Variants in NOMO2 observed in about 807,000 individuals in gnomAD.
NOMO2 encodes NODAL modulator 2.
NOMO2 carries 14 observed loss-of-function variants against 67.1 expected under a neutral mutation model. The observed-to-expected ratio is 0.21, with a 90% CI of 0.14 to 0.33. The LOEUF is 0.33. Among genes scored for constraint, NOMO2 ranks in the 10% least tolerant of loss-of-function variants. The pLI is 1.00. For synonymous variants in NOMO2, 80 were observed against 305.9 expected (o/e 0.26, Z 7.71); for missense variants, 178 against 761.0 (o/e 0.23, Z 9.01).
At chr16:18,543,128 C>A (rs551878062) in intron 7 of NOMO2, among the ~76,000 whole-genome samples, 1 of 136,722 alleles carries the variant, frequency 7.3e-6, no homozygotes, top group South Asian at 2.5e-4. Flanking sequence ...CACTGCCTCC[C>A]AGTGTAGATG....
At chr16:18,554,252 G>A (rs1310136697) in intron 3 of NOMO2, among the ~76,000 whole-genome samples, 1 of 151,982 alleles carries the variant, frequency 6.6e-6, no homozygotes, top group African/African-American at 2.4e-5. Flanking sequence ...AATCCTCCAA[G>A]TACCCAGTGG....
intron 6 of NOMO2, among the ~76,000 whole-genome samples, chr16:18,545,147 G>A (rs987261526): frequency 1.4e-5 from 2 of 144,504 alleles, no homozygotes; most frequent in Non-Finnish European, 3.0e-5. Flanking sequence ...CCAAGCTGAA[G>A]TGCAGTGGTG....
intron 1 of NOMO2, among the ~76,000 whole-genome samples, chr16:18,560,227 G>C (rs976452400): frequency 6.6e-6 from 1 of 151,942 alleles, no homozygotes; most frequent in Non-Finnish European, 1.5e-5. Flanking sequence ...TTCAGAATCT[G>C]AATTACTTAC....
intron 11 of NOMO2, among the ~76,000 whole-genome samples, chr16:18,534,262 C>T (rs1901370708): frequency 6.6e-6 from 1 of 151,620 alleles, no homozygotes; most frequent in African/African-American, 2.4e-5. Context: ...AGCAAACTAC[C>T]ACCCAAGGAC....
At chr16:18,552,468 T>TGC (rs1901808797) in intron 3 of NOMO2, among the ~76,000 whole-genome samples, 2 of 37,902 alleles carry the variant, frequency 5.3e-5, no homozygotes, top group South Asian at 8.2e-4. Flanking sequence ...CACGCGTACA[T>TGC]GCACACACAC....
intron 14 of NOMO2, among the ~76,000 whole-genome samples, chr16:18,530,610 T>TA (rs1901274707): frequency 6.8e-6 from 1 of 147,808 alleles, no homozygotes; most frequent in Non-Finnish European, 1.5e-5. Context: ...TTACTTCTTT[T>TA]AGTCTTATAT....
At chr16:18,558,485 C>T (rs909052169) in intron 1 of NOMO2, among the ~76,000 whole-genome samples, 5 of 147,876 alleles carry the variant, frequency 3.4e-5, no homozygotes, top group African/African-American at 1.3e-4. Context: ...CTGGGGCCCA[C>T]CTCTATTTCT....
At chr16:18,552,696 G>A (rs1313863489) in intron 3 of NOMO2, among the ~76,000 whole-genome samples, 1 of 151,872 alleles carries the variant, frequency 6.6e-6, no homozygotes, top group Non-Finnish European at 1.5e-5. Flanking sequence ...GATACCAAGT[G>A]TAGGTTAGGA....
At chr16:18,534,967 A>T (rs2141726259) in intron 11 of NOMO2, among the ~76,000 whole-genome samples, 1 of 31,600 alleles carries the variant, frequency 3.2e-5, no homozygotes, top group East Asian at 4.9e-4. Flanking sequence ...TATTGAGAGA[A>T]ATCTATTTTC....
chr16:18,532,997 C>T lies in NOMO2; in HGVS notation c.1395+8G>A, dbSNP rs368570321. ...AAAACATTTTAAATTTAAAACAATG[C>T]ATCGCACCTGCACTTTGTAAGTCCC... is the stretch of plus-strand genomic sequence containing the variant. On this transcript the variant is annotated splice_region_variant and intron_variant, in intron 12 of 30. Coordinates refer to ENST00000622306, the MANE Select transcript of NOMO2 (RefSeq NM_173614.4). 24 of 1,584,786 alleles carry T rather than the reference C, an allele frequency of 1.5e-5. No homozygotes were observed. In the African/African-American group the frequency reaches 2.9e-4, roughly 19 times the overall value.
chr16:18,534,376 A>G (rs987891046), intron 11 of NOMO2, among the ~76,000 whole-genome samples: 1 of 150,468 alleles, frequency 6.6e-6, no homozygotes, highest in Non-Finnish European at 1.5e-5. Flanking sequence ...AATATTTCAC[A>G]TGTAAAAATT....
chr16:18,528,982 AAAAAAAATACATAT>A (rs1901220331), intron 15 of NOMO2, among the ~76,000 whole-genome samples: 4 of 99,664 alleles, frequency 4.0e-5, no homozygotes, highest in African/African-American at 1.4e-4. Context: ...AAAAAAAAAA[AAAAAAAATACATAT>A]ATATATATAT....
intron 16 of NOMO2, among the ~76,000 whole-genome samples, chr16:18,525,522 A>T (rs1221155524): frequency 2.0e-5 from 3 of 151,540 alleles, no homozygotes; most frequent in African/African-American, 7.3e-5. Context: ...CAGGGAAGCA[A>T]TACTGAACTG....
intron 2 of NOMO2, among the ~76,000 whole-genome samples, chr16:18,555,695 G>A (rs1488078055): frequency 7.3e-6 from 1 of 137,022 alleles, no homozygotes; most frequent in African/African-American, 2.7e-5. Context: ...TGCAACCTCC[G>A]TCTCCTGGGT....
chr16:18,553,667 G>A (rs1414397150), intron 3 of NOMO2, among the ~76,000 whole-genome samples: 1 of 123,126 alleles, frequency 8.1e-6, no homozygotes, highest in Non-Finnish European at 1.7e-5. Context: ...CAATTAAAAA[G>A]CTTATCAACA....
Position 18,526,489 on chromosome 16 carries a change from C to T in NOMO2, c.1894+1048G>A, listed in dbSNP as rs1323164505. On this transcript the variant is annotated intron_variant, in intron 16 of 30. Coordinates refer to ENST00000622306, the MANE Select transcript of NOMO2 (RefSeq NM_173614.4). The stretch of plus-strand genomic sequence containing the variant: ...AGAATGTCCGTAACATTAGTCATAA[C>T]AGCGTCAAACTGGAAACCACTCAAA... 1.3e-4 allele frequency among the ~76,000 whole-genome samples: 20 copies of T among 151,914 alleles called. 1 individual carries two copies. In the South Asian group the frequency reaches 4.2e-3, roughly 32 times the overall value.
chr16:18,552,111 C>CAA (rs1349221697), intron 3 of NOMO2, among the ~76,000 whole-genome samples: 1 of 149,042 alleles, frequency 6.7e-6, no homozygotes, highest in Non-Finnish European at 1.5e-5. Flanking sequence ...ACCAGGAACA[C>CAA]AAACTCCAGG....
chr16:18,561,143 T>A (rs1265529811), intron 1 of NOMO2, among the ~76,000 whole-genome samples: 1 of 66,934 alleles, frequency 1.5e-5, no homozygotes, highest in African/African-American at 6.0e-5. Context: ...ACCGGGCTGA[T>A]AAACATTTAA....
Position 18,538,884 on chromosome 16 carries a change from T to TA in NOMO2, c.1043dup (p.Val349SerfsTer5). 2 of 1,563,162 alleles carry TA rather than the reference T, an allele frequency of 1.3e-6. No individual in the cohort carries two copies. The highest frequency in any genetic ancestry group is 1.8e-6 in the Non-Finnish European group (2 of 1,138,146). On this transcript the variant is annotated frameshift_variant, in exon 10 of 31. Transcript: ENST00000622306. LOFTEE classifies it high-confidence loss of function. ...CTTTGATTTGGTTATTCAGGGTGACTACTGCTTCTGGAACACCATCTCCTT... is the reference window on the plus strand; with the variant it reads ...CTTTGATTTGGTTATTCAGGGTGACTAACTGCTTCTGGAACACCATCTCCTT...
Sources: allele counts gnomAD v4.1 joint callset (sites outside exome capture counted in the v4.1 genomes callset), GRCh38; gene constraint gnomAD v4.1.1; transcripts MANE v1.5; gene names NCBI Gene and HGNC (gene_info 2026-07-23, HGNC 2026-07-21).